TRIP11: variants seen among roughly 807,000 people sequenced by gnomAD.
TRIP11 encodes the protein thyroid receptor-interacting protein 11.
Under a neutral mutation model 223.1 loss-of-function variants are expected in TRIP11, and 148 were observed. That is an observed-to-expected ratio of 0.66 (90% confidence interval 0.58 to 0.76). The LOEUF is 0.76. Ranked by LOEUF, TRIP11 falls within the 30% of genes least tolerant of loss-of-function variation. TRIP11 has a pLI of 0.00. For synonymous variants in TRIP11, 762 were observed against 772.6 expected (o/e 0.99, Z 0.23); for missense variants, 2,043 against 2,222.0 (o/e 0.92, Z 1.62).
intron 13 of TRIP11, among the ~76,000 whole-genome samples, chr14:91,998,043 A>G (rs1018000341): frequency 4.0e-4 from 61 of 152,304 alleles, no homozygotes; most frequent in Admixed American, 3.7e-3. Flanking sequence ...GTCTGAAGGT[A>G]TAATAATATA....
At chr14:92,025,516 C>T (rs79684725) in intron 2 of TRIP11, 96 bp from the exon 3 acceptor site, 2 of 797,108 alleles carry the variant, frequency 2.5e-6, no homozygotes, top group Non-Finnish European at 4.1e-6. Context: ...CTTTCCCCCC[C>T]CAAAAATGTC....
In TRIP11 at chr14:92,009,333, C is replaced by T. The variant is rs1295961686; in HGVS notation, c.1315-1481G>A. 2.6e-5 allele frequency among the ~76,000 whole-genome samples: 4 copies of T among 152,258 alleles called. 1 individual carries two copies. In the Middle Eastern group the frequency reaches 0.01, roughly 388 times the overall value. On this transcript the variant is annotated intron_variant, in intron 9 of 20. Transcript: ENST00000267622. ...ACAGCGTGAGCCACCACACTCGGCC[C>T]TCATAGGCACTTTTGGTATTCTTAA... is the stretch of plus-strand genomic sequence containing the variant.
rs762684863 is a variant in TRIP11, at chr14:92,003,595, G to A, written c.4381C>T (p.Leu1461=). ...ACTATTTTTTCATTTTCTCCTTTTA[G>A]TTTGCCAATGTCCATCTCTAGAATT... ...ILILEMDIGK[L]KGENEKIVET... The change falls in exon 11 of 21, where the codon CTA becomes TTA. Residue 1461 remains leucine, a synonymous_variant. Coordinates refer to ENST00000267622, the MANE Select transcript of TRIP11 (RefSeq NM_004239.4). The A allele has an allele frequency of 6.2e-7, 1 of 1,613,776 alleles. No homozygotes were observed. Among genetic ancestry groups the A allele is most frequent in the South Asian group, 1.1e-5 (1 of 91,072 alleles).
intron 7 of TRIP11, 71 bp downstream of exon 7, chr14:92,014,144 A>G: frequency 6.3e-7 from 1 of 1,594,252 alleles, no homozygotes; most frequent in Non-Finnish European, 8.6e-7. Flanking sequence ...CAGTTAGTGA[A>G]GCATCTGTCT....
chr14:91,999,866 C>T (rs1475552125), intron 12 of TRIP11, 102 bp downstream of exon 12: 83 of 1,482,350 alleles, frequency 5.6e-5, no homozygotes, highest in Non-Finnish European at 7.4e-5. Context: ...TAAGAAAAAT[C>T]ACCTAACAGA....
intron 16 of TRIP11, among the ~76,000 whole-genome samples, chr14:91,979,244 G>T (rs1243021391): frequency 1.4e-5 from 2 of 138,256 alleles, no homozygotes; most frequent in African/African-American, 2.9e-5. Context: ...ACAACAGAGC[G>T]AGACCCTGTC....
intron 20 of TRIP11, among the ~76,000 whole-genome samples, chr14:91,971,316 T>C (rs1373020868): frequency 2.6e-5 from 4 of 152,224 alleles, no homozygotes; most frequent in Non-Finnish European, 2.9e-5. Context: ...TACTTTCCTA[T>C]GAATGACAAC....
chr14:92,038,136 C>T (rs184529611), intron 1 of TRIP11, among the ~76,000 whole-genome samples: 2 of 152,172 alleles, frequency 1.3e-5, no homozygotes, highest in Admixed American at 6.5e-5. Context: ...AGACATAAAA[C>T]AAGGACACGA....
chr14:91,972,800 G>C lies in TRIP11; in HGVS notation c.5636C>G (p.Pro1879Arg). ...ETESHPSIPPPKLSVHDMKPL... is the reference protein window; with the variant it reads ...ETESHPSIPPRKLSVHDMKPL... Reference sequence around the variant, plus strand: ...TTTCATATCATGAACAGAAAGCTTTGGTGGTGGAATGGATGGATGAGATTC... The same window carrying C: ...TTTCATATCATGAACAGAAAGCTTTCGTGGTGGAATGGATGGATGAGATTC... Residue 1879 changes from proline to arginine, a missense_variant, in exon 20 of 21, where the codon CCA (proline) becomes CGA (arginine). Transcript: ENST00000267622. 6.2e-7 allele frequency: 1 copy of C among 1,613,190 alleles called. No individual in the cohort carries two copies. Among genetic ancestry groups the C allele is most frequent in the Non-Finnish European group, 8.5e-7 (1 of 1,179,576 alleles).
chr14:91,979,894 A>C (rs1358224068), intron 16 of TRIP11, among the ~76,000 whole-genome samples: 1 of 152,184 alleles, frequency 6.6e-6, no homozygotes, highest in Non-Finnish European at 1.5e-5. Flanking sequence ...TGGGCAGGGA[A>C]AATATGGTTA....
At chr14:92,026,743 G>C (rs2057193049) in intron 2 of TRIP11, 1 of 1,069,660 alleles carries the variant, frequency 9.3e-7, no homozygotes, top group Admixed American at 1.8e-5. Flanking sequence ...GGAGGAAGAG[G>C]AGGAGGAAGA....
intron 2 of TRIP11, among the ~76,000 whole-genome samples, chr14:92,030,026 T>C (rs981555924): frequency 3.3e-5 from 5 of 151,440 alleles, no homozygotes; most frequent in African/African-American, 1.2e-4. Flanking sequence ...TGAAACCCCG[T>C]CTCTACTAAA....
chr14:92,003,269 A>T, intron 11 of TRIP11, 150 bp downstream of exon 11: 1 of 1,163,104 alleles, frequency 8.6e-7, no homozygotes, highest in South Asian at 1.5e-5. Flanking sequence ...TCTCTGAGGA[A>T]AATTTACTTA....
Position 92,005,581 on chromosome 14 carries a change from T to C in TRIP11, c.2395A>G (p.Ser799Gly). ...GTCAACTGCTTCTGCTCTTCTAAACTAGATGACAAAACGTCCTTAGTTTCT... is the reference window on the plus strand; with the variant it reads ...GTCAACTGCTTCTGCTCTTCTAAACCAGATGACAAAACGTCCTTAGTTTCT... ...HKETKDVLSS[S>G]LEEQKQLTQL... Residue 799 changes from serine (S) to glycine (G), a missense_variant, in exon 11 of 21, where the codon AGT becomes GGT. By Grantham distance (56) the Ser-to-Gly change is moderately conservative. Transcript: ENST00000267622. 4 of 1,613,430 alleles carry C rather than the reference T, an allele frequency of 2.5e-6. No individual in the cohort carries two copies. Among genetic ancestry groups the C allele is most frequent in the Non-Finnish European group, 3.4e-6 (4 of 1,179,908 alleles).
chr14:92,010,992 T>C lies in TRIP11; in HGVS notation c.1308A>G (p.Gln436=), dbSNP rs761453582. The C allele has an allele frequency of 6.2e-7, 1 of 1,613,886 alleles. No homozygotes were observed. The highest frequency in any genetic ancestry group is 8.5e-7 in the Non-Finnish European group (1 of 1,179,952). The change falls in exon 9 of 21, where the codon CAA becomes CAG. Residue 436 remains glutamine (Q), a synonymous_variant. Transcript: ENST00000267622. The stretch of plus-strand genomic sequence containing the variant: ...CCATTTTTACAGCACCCACCTTTTC[T>C]TGACTCAGTAATGACTTCTCTTTTT... The part of the protein sequence containing the change: ...VLEKEKSLLS[Q]EKEELQMSLL...
intron 11 of TRIP11, among the ~76,000 whole-genome samples, chr14:92,001,778 A>C (rs1389018122): frequency 6.6e-6 from 1 of 152,262 alleles, no homozygotes. Context: ...AACCTTAAGA[A>C]GCTAGAGCCA....
Position 91,976,153 on chromosome 14 carries a change from T to C in TRIP11, c.5297A>G (p.Lys1766Arg), listed in dbSNP as rs770545491. 2 of 1,612,610 alleles carry C rather than the reference T, an allele frequency of 1.2e-6. No individual in the cohort carries two copies. The highest frequency in any genetic ancestry group is 2.2e-5 in the South Asian group (2 of 91,068). The change falls in exon 17 of 21, where the codon AAG (lysine) becomes AGG (arginine). Residue 1766 changes from lysine to arginine, a missense_variant. By Grantham distance (26) the Lys-to-Arg change is conservative (BLOSUM62 2). Coordinates refer to ENST00000267622, the MANE Select transcript of TRIP11 (RefSeq NM_004239.4). ...GCTGTTTGCTAAGCTCATCAATTTC[T>C]TTTGTACATCATCCAGCATTTCTTG... ...LRQEMLDDVQ[K>R]KLMSLANSSE...
At position 92,003,982 on chromosome 14, in the gene TRIP11, C is replaced by T. The variant is rs751592189; in HGVS notation, c.3994G>A (p.Ala1332Thr). The change falls in exon 11 of 21, where the codon GCA (alanine) becomes ACA (threonine). Residue 1332 changes from alanine to threonine, a missense_variant. By Grantham distance (58) the Ala-to-Thr change is moderately conservative. Transcript: ENST00000267622. ...LTPQSAECLRASKSEVLSESS... is the reference protein window; with the variant it reads ...LTPQSAECLRTSKSEVLSESS... ...TCACTCAATACTTCAGACTTACTTG[C>T]TCTAAGACACTCTGCAGACTGGGGA... The T allele has an allele frequency of 2.5e-6, 4 of 1,614,126 alleles. No individual in the cohort carries two copies. Among genetic ancestry groups the T allele is most frequent in the Non-Finnish European group, 3.4e-6 (4 of 1,180,020 alleles).
intron 20 of TRIP11, among the ~76,000 whole-genome samples, chr14:91,970,716 A>AT (rs35212581): frequency 2.9e-4 from 44 of 152,298 alleles, no homozygotes; most frequent in African/African-American, 1.0e-3. Flanking sequence ...CAAGAGAAGA[A>AT]TATTTGTATG....
Sources: gnomAD v4.1 joint callset for allele counts (sites outside exome capture counted in the v4.1 genomes callset) on GRCh38, gnomAD v4.1.1 for gene constraint, MANE v1.5 for transcripts, NCBI Gene and HGNC (gene_info 2026-07-23, HGNC 2026-07-21) for gene names.